CHCHD6: variants seen among roughly 807,000 people sequenced by gnomAD.
CHCHD6 encodes the protein MICOS complex subunit MIC25.
CHCHD6 carries 28 observed loss-of-function variants against 32.3 expected under a neutral mutation model. The observed-to-expected ratio is 0.87, with a 90% CI of 0.64 to 1.19. CHCHD6 has a LOEUF of 1.19. Among genes scored for constraint, CHCHD6 ranks in the 50% most tolerant of loss-of-function variants. The pLI, the probability that CHCHD6 is intolerant of heterozygous loss-of-function variation, is 0.00. For synonymous variants in CHCHD6, 122 were observed against 117.5 expected, an observed-to-expected ratio of 1.04 and a Z score of -0.25; for missense variants, 333 against 307.0, an observed-to-expected ratio of 1.08 and a Z score of -0.63.
At chr3:126,958,773 A>T (rs1163133630) in intron 7 of CHCHD6, among the ~76,000 whole-genome samples, 4 of 152,186 alleles carry the variant, frequency 2.6e-5, no homozygotes, top group African/African-American at 9.7e-5. Context: ...ATCTCAGAGG[A>T]TGGAAGGCTG....
chr3:126,767,147 A>G, intron 4 of CHCHD6: 1 of 1,588,110 alleles, frequency 6.3e-7, no homozygotes, highest in South Asian at 1.1e-5. Flanking sequence ...ATGGCACCCA[A>G]AGGAATAGAG....
intron 1 of CHCHD6, among the ~76,000 whole-genome samples, chr3:126,720,894 A>G (rs1286288892): frequency 3.3e-5 from 5 of 152,192 alleles, no homozygotes; most frequent in Admixed American, 3.3e-4. Context: ...TCAGGGTCTT[A>G]GTTGCTACAG....
chr3:126,727,640 G>A (rs1935597737), intron 2 of CHCHD6, among the ~76,000 whole-genome samples: 3 of 152,174 alleles, frequency 2.0e-5, no homozygotes, highest in East Asian at 1.9e-4. Context: ...GCCTCAGGCC[G>A]AGAGCTCCTG....
chr3:126,903,944 C>G (rs1473912563), intron 5 of CHCHD6, among the ~76,000 whole-genome samples: 1 of 152,184 alleles, frequency 6.6e-6, no homozygotes, highest in African/African-American at 2.4e-5. Flanking sequence ...GTCTGCAGGC[C>G]CTGGGTCTAG....
chr3:126,766,572 C>A, intron 4 of CHCHD6: 3 of 1,168,070 alleles, frequency 2.6e-6, no homozygotes, highest in Non-Finnish European at 3.8e-6. Flanking sequence ...TCTTCACCTC[C>A]TGGGCTGCAG....
chr3:126,938,198 T>A (rs1452009547), intron 6 of CHCHD6, among the ~76,000 whole-genome samples: 1 of 152,178 alleles, frequency 6.6e-6, no homozygotes, highest in Non-Finnish European at 1.5e-5. Flanking sequence ...ACTGTTGGCC[T>A]GGGGACAAGG....
chr3:126,767,268 T>C (rs1937412596), intron 4 of CHCHD6: 15 of 1,340,066 alleles, frequency 1.1e-5, no homozygotes, highest in Middle Eastern at 5.1e-4. Context: ...TCTGTCAGGT[T>C]GCCAAGGCCC....
intron 5 of CHCHD6, among the ~76,000 whole-genome samples, chr3:126,866,338 T>A (rs905187938): frequency 1.5e-4 from 23 of 152,302 alleles, no homozygotes; most frequent in African/African-American, 5.5e-4. Flanking sequence ...AGTGACCCAG[T>A]GAGCTGGGTG....
At chr3:126,890,926 C>A (rs759031067) in intron 5 of CHCHD6, among the ~76,000 whole-genome samples, 3 of 152,130 alleles carry the variant, frequency 2.0e-5, no homozygotes, top group Non-Finnish European at 2.9e-5. Context: ...ATTGAAGCTA[C>A]ATGGTCCTGA....
intron 5 of CHCHD6, among the ~76,000 whole-genome samples, chr3:126,907,253 GT>G (rs2078020924): frequency 6.6e-6 from 1 of 152,196 alleles, no homozygotes; most frequent in Non-Finnish European, 1.5e-5. Flanking sequence ...CTGCACACTT[GT>G]TTGGGGTAAG....
At chr3:126,791,785 A>G (rs1938558052) in intron 4 of CHCHD6, among the ~76,000 whole-genome samples, 1 of 152,022 alleles carries the variant, frequency 6.6e-6, no homozygotes. Flanking sequence ...AAGTTTTTGT[A>G]TTTTTAGTAG....
Position 126,934,488 on chromosome 3 carries a change from C to T in CHCHD6, c.566+19738C>T, listed in dbSNP as rs145735300. On this transcript the variant is annotated intron_variant, in intron 6 of 7. Coordinates refer to ENST00000290913, the MANE Select transcript of CHCHD6 (RefSeq NM_032343.3). The stretch of plus-strand genomic sequence containing the variant: ...TCATGAAGCATGTTGTCAGGCTCCA[C>T]GGGACGTCAGGGCTGGGGAACACTT... 1.3e-4 allele frequency among the ~76,000 whole-genome samples: 20 copies of T among 148,714 alleles called. No individual in the cohort carries two copies. In the East Asian group the frequency reaches 2.5e-3, roughly 19 times the overall value.
At chr3:126,933,468 GCTGTACAGGC>G (rs1275910885) in intron 6 of CHCHD6, among the ~76,000 whole-genome samples, 2 of 152,194 alleles carry the variant, frequency 1.3e-5, no homozygotes, top group Admixed American at 1.3e-4. Context: ...GGTCCTACAG[GCTGTACAGGC>G]CTGAAACCAG....
chr3:126,842,318 T>G (rs1941125064), intron 4 of CHCHD6, among the ~76,000 whole-genome samples: 1 of 152,230 alleles, frequency 6.6e-6, no homozygotes, highest in African/African-American at 2.4e-5. Flanking sequence ...GAGTCTAGAC[T>G]AATCTAGAAG....
intron 6 of CHCHD6, among the ~76,000 whole-genome samples, chr3:126,945,805 A>G (rs1270840589): frequency 6.7e-6 from 1 of 149,886 alleles, no homozygotes; most frequent in Non-Finnish European, 1.5e-5. Context: ...GGCAGGAGAC[A>G]TGGGGAGACT....
intron 5 of CHCHD6, among the ~76,000 whole-genome samples, chr3:126,872,446 G>A (rs767331966): frequency 3.9e-5 from 6 of 152,084 alleles, no homozygotes; most frequent in African/African-American, 9.7e-5. Flanking sequence ...TGAAGTGCTC[G>A]GTAAAAAGAT....
chr3:126,740,958 G>T (rs192679984), intron 4 of CHCHD6, among the ~76,000 whole-genome samples: 1 of 152,320 alleles, frequency 6.6e-6, no homozygotes, highest in Non-Finnish European at 1.5e-5. Context: ...ATGGTGTTCG[G>T]TCATGGGATT....
In CHCHD6 at chr3:126,792,032, T is replaced by C. The variant is rs781670193; in HGVS notation, c.411+58810T>C. Among the ~76,000 whole-genome samples the C allele has an allele frequency of 1.6e-4, 24 of 152,192 alleles. 1 individual carries two copies. The highest frequency in any genetic ancestry group is 4.4e-5 in the Non-Finnish European group (3 of 68,038). On this transcript the variant is annotated intron_variant, in intron 4 of 7. Coordinates refer to ENST00000290913, the MANE Select transcript of CHCHD6 (RefSeq NM_032343.3). ...ACGTTTTCGGGGTTCGTCCATGTTATAACACATACAGAATTTCCTTCCTTT... is the reference window on the plus strand; with the variant it reads ...ACGTTTTCGGGGTTCGTCCATGTTACAACACATACAGAATTTCCTTCCTTT...
At chr3:126,776,140 G>A (rs975875870) in intron 4 of CHCHD6, among the ~76,000 whole-genome samples, 2 of 152,156 alleles carry the variant, frequency 1.3e-5, no homozygotes, top group African/African-American at 4.8e-5. Flanking sequence ...GGTTGTCTTG[G>A]GTCTTCTTTA....
Sources: gnomAD v4.1 joint callset for allele counts (sites outside exome capture counted in the v4.1 genomes callset) on GRCh38, gnomAD v4.1.1 for gene constraint, MANE v1.5 for transcripts, NCBI Gene and HGNC (gene_info 2026-07-23, HGNC 2026-07-21) for gene names.